Variants in SVIL observed in about 807,000 individuals in gnomAD.
SVIL encodes the protein supervillin.
A neutral mutation model predicts 240.4 loss-of-function variants in SVIL; 101 were observed. The observed-to-expected ratio is 0.42, with a 90% CI of 0.36 to 0.50. The LOEUF is 0.50. SVIL is among the 20% of genes least tolerant of loss of function. The pLI is 0.01. For synonymous variants in SVIL, 999 were observed against 1,100.0 expected (o/e 0.91, Z 1.82); for missense variants, 2,512 against 2,818.7 (o/e 0.89, Z 2.46).
At chr10:29,668,974 G>A (rs961240610) in intron 2 of SVIL, among the ~76,000 whole-genome samples, 1 of 152,104 alleles carries the variant, frequency 6.6e-6, no homozygotes, top group East Asian at 1.9e-4. Flanking sequence ...ACTGTTCTAG[G>A]CACTATAGGT....
chr10:29,619,688 A>C (rs2132906789), intron 1 of SVIL, among the ~76,000 whole-genome samples: 1 of 152,344 alleles, frequency 6.6e-6, no homozygotes, highest in East Asian at 1.9e-4. Context: ...CTGCCAAATA[A>C]TTACCACATT....
chr10:29,705,425 G>C (rs1189203018), intron 1 of SVIL, among the ~76,000 whole-genome samples: 1 of 152,002 alleles, frequency 6.6e-6, no homozygotes, highest in South Asian at 2.1e-4. Context: ...TAACCATCAG[G>C]GTCCATACAG....
At chr10:29,473,008 G>A (rs7916074) in intron 30 of SVIL, among the ~76,000 whole-genome samples, 1,834 of 152,262 alleles carry the variant, frequency 0.012, 34 homozygotes, top group African/African-American at 0.041. Flanking sequence ...GGGTACATAC[G>A]TAGAGGCAGT....
At chr10:29,546,142 T>C (rs969417559) in intron 6 of SVIL, among the ~76,000 whole-genome samples, 25 of 152,188 alleles carry the variant, frequency 1.6e-4, no homozygotes, top group African/African-American at 5.5e-4. Context: ...CAAGCTCAGG[T>C]GTTTAAAAAT....
At chr10:29,607,679 C>T (rs974897957) in intron 1 of SVIL, among the ~76,000 whole-genome samples, 48 of 152,292 alleles carry the variant, frequency 3.2e-4, no homozygotes, top group African/African-American at 1.1e-3. Flanking sequence ...TACAGCTTTC[C>T]ACAATGCCAA....
At chr10:29,663,227 T>C (rs938514411) in intron 2 of SVIL, among the ~76,000 whole-genome samples, 1 of 152,228 alleles carries the variant, frequency 6.6e-6, no homozygotes, top group African/African-American at 2.4e-5. Context: ...GTAATATTTT[T>C]ACACAGTAAG....
rs2296594 is a variant in SVIL, at chr10:29,524,536, G to C, written c.2522C>G (p.Thr841Arg). The C allele has an allele frequency of 7.4e-6, 12 of 1,614,080 alleles. No individual in the cohort carries two copies. In the African/African-American group the frequency reaches 1.6e-4, roughly 22 times the overall value. ...KAISTRNRIDTRQRRMNARYQ... is the reference protein window; with the variant it reads ...KAISTRNRIDRRQRRMNARYQ... ...GCGAGCGTTCATTCTCCTCTGTCTC[G>C]TGTCTATTCTGTTCCGGGTAGAAAT... Residue 841 changes from threonine (T) to arginine (R), a missense_variant, in exon 14 of 38, where the codon ACG becomes AGG. Coordinates refer to ENST00000355867, the MANE Select transcript of SVIL (RefSeq NM_021738.3).
At chr10:29,642,985 C>T (rs761965038) in intron 3 of SVIL, among the ~76,000 whole-genome samples, 2 of 152,206 alleles carry the variant, frequency 1.3e-5, no homozygotes, top group South Asian at 2.1e-4. Flanking sequence ...TGCACCCGGC[C>T]GCTCTCTTCT....
intron 17 of SVIL, among the ~76,000 whole-genome samples, chr10:29,508,717 C>T (rs1036393714): frequency 3.9e-5 from 6 of 152,144 alleles, no homozygotes; most frequent in Non-Finnish European, 5.9e-5. Context: ...CTTGAAATTT[C>T]GGGCACTTGT....
At chr10:29,641,389 G>A (rs1958481055) in intron 3 of SVIL, among the ~76,000 whole-genome samples, 1 of 152,030 alleles carries the variant, frequency 6.6e-6, no homozygotes, top group African/African-American at 2.4e-5. Context: ...TGGCCAACAT[G>A]GTGAAACCCA....
At chr10:29,485,823 A>C (rs1947340685) in intron 26 of SVIL, among the ~76,000 whole-genome samples, 1 of 152,256 alleles carries the variant, frequency 6.6e-6, no homozygotes, top group South Asian at 2.1e-4. Context: ...AGGGCTAAGT[A>C]ATATTTGTAT....
In SVIL at chr10:29,523,800, G is replaced by A. The variant is rs764294790; in HGVS notation, c.2814C>T (p.Ser938=). ...SQAWQPLVEG[S]ENKGMLREYG... is the part of the protein sequence containing the mutation. The stretch of plus-strand genomic sequence containing the variant: ...ATTCTCTCAACATTCCCTTGTTCTC[G>A]CTACCCTCTACCAAAGGCTGCCAAG... Residue 938 remains serine, a synonymous_variant, in exon 15 of 38, where the codon AGC becomes AGT. Coordinates refer to ENST00000355867, the MANE Select transcript of SVIL (RefSeq NM_021738.3). 29 of 1,613,960 alleles carry A rather than the reference G, an allele frequency of 1.8e-5. No homozygotes were observed. The East Asian group carries it at 2.7e-4, about 15-fold the overall frequency.
At chr10:29,599,806 C>T (rs1046129112) in intron 1 of SVIL, among the ~76,000 whole-genome samples, 3 of 151,990 alleles carry the variant, frequency 2.0e-5, no homozygotes, top group African/African-American at 4.8e-5. Context: ...ATGGGTGGCT[C>T]GCAGGGTGAA....
chr10:29,592,413 A>G (rs1310463279), intron 1 of SVIL, among the ~76,000 whole-genome samples: 1 of 152,248 alleles, frequency 6.6e-6, no homozygotes, highest in Admixed American at 6.5e-5. Context: ...GGCAAGAAGA[A>G]GCTTCTAGAA....
At chr10:29,673,405 A>G (rs189278425) in intron 2 of SVIL, among the ~76,000 whole-genome samples, 63 of 151,638 alleles carry the variant, frequency 4.2e-4, no homozygotes, top group South Asian at 2.3e-3. Context: ...CTTGCTATGT[A>G]TTTGTATTAG....
intron 33 of SVIL, 119 bp downstream of exon 33, chr10:29,467,623 G>A (rs1588824141): frequency 2.2e-6 from 3 of 1,347,126 alleles, no homozygotes; most frequent in East Asian, 5.0e-5. Context: ...AGCCCAGGAG[G>A]TTGAAGCTGC....
chr10:29,600,932 C>G (rs916463538), intron 1 of SVIL, among the ~76,000 whole-genome samples: 5 of 152,172 alleles, frequency 3.3e-5, no homozygotes, highest in Non-Finnish European at 1.5e-5. Flanking sequence ...CAGTGGTGAA[C>G]AACTCGCTTC....
intron 1 of SVIL, among the ~76,000 whole-genome samples, chr10:29,585,464 T>C (rs1956127417): frequency 6.6e-6 from 1 of 152,266 alleles, no homozygotes; most frequent in South Asian, 2.1e-4. Flanking sequence ...GCTGGGATTA[T>C]AGGCATGAGC....
intron 2 of SVIL, among the ~76,000 whole-genome samples, chr10:29,686,377 TAAG>T (rs1277843429): frequency 6.6e-6 from 1 of 152,194 alleles, no homozygotes; most frequent in African/African-American, 2.4e-5. Context: ...AAAGCTTATT[TAAG>T]AAGAACATTT....
Sources: allele counts gnomAD v4.1 joint callset (sites outside exome capture counted in the v4.1 genomes callset), GRCh38; gene constraint gnomAD v4.1.1; transcripts MANE v1.5; gene names NCBI Gene and HGNC (gene_info 2026-07-23, HGNC 2026-07-21).